PLAAT1: variants seen among roughly 807,000 people sequenced by gnomAD.
The protein encoded by PLAAT1 is H-REV107 protein-related protein.
In PLAAT1, 13 loss-of-function variants were observed where a neutral mutation model predicts 16.4. That is an observed-to-expected ratio of 0.79 (90% CI 0.52 to 1.26). The LOEUF (loss-of-function observed/expected upper bound fraction) is 1.26. Ranked by LOEUF, PLAAT1 falls within the 50% of genes most tolerant of loss-of-function variation. PLAAT1 has a pLI of 0.00. For missense variants in PLAAT1, 218 were observed against 207.8 expected (o/e 1.05, Z -0.30); for synonymous variants, 73 against 78.4 (o/e 0.93, Z 0.36).
chr3:193,240,654 C>CGTGTGTGTGTGTGTGTGTGTGT (rs370008875), upstream of PLAAT1, among the ~76,000 whole-genome samples: 178 of 88,556 alleles, frequency 2.0e-3, 2 homozygotes, highest in East Asian at 3.3e-3. Context: ...GGCTATCTGG[C>CGTGTGTGTGTGTGTGTGTGTGT]GTGTGTGTGT....
intron 1 of PLAAT1, among the ~76,000 whole-genome samples, chr3:193,244,763 G>A (rs943976326): frequency 3.3e-5 from 5 of 152,122 alleles, no homozygotes; most frequent in Non-Finnish European, 5.9e-5. Context: ...TAAGGGGGCT[G>A]AGTATGCTAC....
intron 2 of PLAAT1, among the ~76,000 whole-genome samples, chr3:193,277,226 T>TGG (rs1560109362): frequency 9.2e-5 from 14 of 151,700 alleles, no homozygotes; most frequent in Non-Finnish European, 1.8e-4. Context: ...AAATTCTACC[T>TGG]GGAATTCATT....
upstream of PLAAT1, among the ~76,000 whole-genome samples, chr3:193,240,682 T>TGTGTGTGTGG (rs1182255845): frequency 3.4e-5 from 5 of 148,798 alleles, no homozygotes; most frequent in Non-Finnish European, 6.0e-5. Context: ...TGTGTGTGTG[T>TGTGTGTGTGG]GTGGTTGGAG....
intron 1 of PLAAT1, among the ~76,000 whole-genome samples, chr3:193,242,684 A>T (rs960812789): frequency 6.6e-6 from 1 of 152,136 alleles, no homozygotes; most frequent in Non-Finnish European, 1.5e-5. Flanking sequence ...AATTTGGCCA[A>T]GGAGTGGAAC....
At chr3:193,241,110 C>T, upstream of PLAAT1, 2 of 792,874 alleles carry the variant, frequency 2.5e-6, no homozygotes, top group Admixed American at 9.8e-5. Context: ...CGAGAAGGTG[C>T]AGTTCCCCGG....
At chr3:193,243,533 G>T (rs1372847950) in intron 1 of PLAAT1, among the ~76,000 whole-genome samples, 1 of 152,178 alleles carries the variant, frequency 6.6e-6, no homozygotes, top group Non-Finnish European at 1.5e-5. Flanking sequence ...ATATGTATTT[G>T]CATGCTTTTG....
intron 3 of PLAAT1, among the ~76,000 whole-genome samples, chr3:193,266,002 C>T (rs1716764985): frequency 6.6e-6 from 1 of 152,146 alleles, no homozygotes; most frequent in South Asian, 2.1e-4. Context: ...TAGAAAATTT[C>T]AGTTACGCAA....
rs1715723187 is a variant in PLAAT1, at chr3:193,241,235, G to T, written c.-299G>T. 7 of 1,225,102 alleles carry T rather than the reference G, an allele frequency of 5.7e-6. No individual in the cohort carries two copies. The highest frequency in any genetic ancestry group is 6.1e-6 in the Non-Finnish European group (6 of 983,686). The allele number at this position is 1,225,102 out of a possible 1,614,324, so 75.9% of individuals were successfully genotyped here. On this transcript the variant is annotated 5_prime_UTR_variant, in exon 1 of 4. Coordinates refer to ENST00000264735, the MANE Select transcript of PLAAT1 (RefSeq NM_020386.5). ...CGGCTCCCCATGGTCAGAGCCTCGTGCCGGCTCGGCAGCGCCCGGACGCCG... is the reference window on the plus strand; with the variant it reads ...CGGCTCCCCATGGTCAGAGCCTCGTTCCGGCTCGGCAGCGCCCGGACGCCG...
chr3:193,254,238 A>T (rs1261177579), intron 1 of PLAAT1, among the ~76,000 whole-genome samples: 1 of 152,208 alleles, frequency 6.6e-6, no homozygotes, highest in African/African-American at 2.4e-5. Context: ...AACAGATGGC[A>T]TACAAACACT....
chr3:193,279,914 G>A (rs1009349458), downstream of PLAAT1, among the ~76,000 whole-genome samples: 3 of 120,862 alleles, frequency 2.5e-5, no homozygotes, highest in Non-Finnish European at 4.8e-5. Flanking sequence ...AATTGGAAAG[G>A]TAAACCATAA....
intron 1 of PLAAT1, among the ~76,000 whole-genome samples, chr3:193,242,290 G>A (rs1351881527): frequency 6.6e-6 from 1 of 152,048 alleles, no homozygotes; most frequent in Non-Finnish European, 1.5e-5. Flanking sequence ...CAATTTCCCA[G>A]AGACCAGTAG....
intron 1 of PLAAT1, among the ~76,000 whole-genome samples, chr3:193,255,060 C>A (rs1349140837): frequency 1.3e-5 from 2 of 152,042 alleles, no homozygotes; most frequent in East Asian, 3.9e-4. Flanking sequence ...TGTTAGCATC[C>A]ACCCCTACCT....
downstream of PLAAT1, among the ~76,000 whole-genome samples, chr3:193,273,344 A>C (rs1289839823): frequency 6.6e-6 from 1 of 152,228 alleles, no homozygotes; most frequent in Non-Finnish European, 1.5e-5. Context: ...TGTAGAAATT[A>C]TTACTCTCCA....
chr3:193,257,723 G>A (rs1577305459), intron 2 of PLAAT1, among the ~76,000 whole-genome samples: 1 of 152,180 alleles, frequency 6.6e-6, no homozygotes, highest in East Asian at 1.9e-4. Flanking sequence ...ATTTGAGTCA[G>A]TGGGCTAGGA....
At chr3:193,248,702 A>G (rs1399848116) in intron 1 of PLAAT1, among the ~76,000 whole-genome samples, 1 of 152,076 alleles carries the variant, frequency 6.6e-6, no homozygotes, top group Non-Finnish European at 1.5e-5. Context: ...AACTTTTACT[A>G]TCCCCTCCAA....
chr3:193,264,253 A>G (rs879334946), intron 3 of PLAAT1, among the ~76,000 whole-genome samples: 2 of 152,198 alleles, frequency 1.3e-5, no homozygotes, highest in African/African-American at 2.4e-5. Context: ...GAAAAATGTC[A>G]TCTATAAGAA....
At chr3:193,251,591 A>G (rs539940302) in intron 1 of PLAAT1, among the ~76,000 whole-genome samples, 2 of 152,276 alleles carry the variant, frequency 1.3e-5, no homozygotes, top group Admixed American at 1.3e-4. Context: ...TTAAGAGCCA[A>G]GCCCTTTTAA....
chr3:193,272,107 GTC>G (rs1491398554), downstream of PLAAT1, among the ~76,000 whole-genome samples: 3 of 152,068 alleles, frequency 2.0e-5, no homozygotes, highest in East Asian at 5.8e-4. Flanking sequence ...CTAAATTCAA[GTC>G]TCTGTTCCTT....
At chr3:193,259,615 A>G (rs934889114) in intron 2 of PLAAT1, among the ~76,000 whole-genome samples, 2 of 152,034 alleles carry the variant, frequency 1.3e-5, no homozygotes, top group South Asian at 4.1e-4. Context: ...TAAAAACACA[A>G]TTCATTTACA....
Sources: gnomAD v4.1 joint callset for allele counts (sites outside exome capture counted in the v4.1 genomes callset) on GRCh38, gnomAD v4.1.1 for gene constraint, MANE v1.5 for transcripts, NCBI Gene and HGNC (gene_info 2026-07-23, HGNC 2026-07-21) for gene names.